Variants in APMAP observed in about 807,000 individuals in gnomAD.
APMAP encodes adipocyte plasma membrane associated protein, also known as adipocyte plasma membrane-associated protein.
APMAP carries 33 observed loss-of-function variants against 43.6 expected under a neutral mutation model. The observed-to-expected ratio is 0.76, with a 90% CI of 0.57 to 1.01. APMAP has a LOEUF of 1.01. Ranked by LOEUF, APMAP falls within the 50% of genes least tolerant of loss-of-function variation. The pLI is 0.00. For synonymous variants in APMAP, 224 were observed against 216.7 expected (o/e 1.03, Z -0.30); for missense variants, 498 against 540.7 (o/e 0.92, Z 0.78).
chr20:24,984,098 G>C (rs1009757124), intron 1 of APMAP, 79 bp from the exon 2 acceptor site: 5 of 1,117,940 alleles, frequency 4.5e-6, no homozygotes, highest in Non-Finnish European at 5.3e-6. Flanking sequence ...AAGCCCTCCC[G>C]GCAGGAGCAG....
chr20:24,988,159 C>T (rs2122531988), intron 1 of APMAP, among the ~76,000 whole-genome samples: 1 of 152,316 alleles, frequency 6.6e-6, no homozygotes, highest in African/African-American at 2.4e-5. Context: ...AGGGAAGGTA[C>T]ATTGTGTTTT....
At chr20:24,985,892 G>A (rs2088142973) in intron 1 of APMAP, among the ~76,000 whole-genome samples, 1 of 152,212 alleles carries the variant, frequency 6.6e-6, no homozygotes, top group Non-Finnish European at 1.5e-5. Context: ...GGCACTGCTG[G>A]GGAGGGTGCA....
intron 3 of APMAP, among the ~76,000 whole-genome samples, chr20:24,974,475 G>A (rs367951915): frequency 7.2e-5 from 11 of 152,042 alleles, no homozygotes; most frequent in African/African-American, 2.4e-4. Flanking sequence ...TAACAAATAC[G>A]GTAGATATTA....
chr20:24,992,597 C>G lies in APMAP; in HGVS notation c.92G>C (p.Gly31Ala), dbSNP rs963214605. The change falls in exon 1 of 9, where the codon GGC (glycine) becomes GCC (alanine). Residue 31 changes from glycine to alanine, a missense_variant. Transcript: ENST00000217456. ...DDGQAPEAKDGSSFSGRVFRV... is the reference protein window; with the variant it reads ...DDGQAPEAKDASSFSGRVFRV... ...CCAGTCTGGGAGTCCGCCCTACCTG[C>G]CGTCCTTAGCCTCCGGGGCCTGGCC... 2.3e-5 allele frequency: 35 copies of G among 1,549,124 alleles called. 1 individual carries two copies. The East Asian group carries it at 3.2e-4, about 14-fold the overall frequency.
chr20:24,975,373 T>C (rs1375654194), intron 3 of APMAP, among the ~76,000 whole-genome samples: 2 of 152,212 alleles, frequency 1.3e-5, no homozygotes, highest in African/African-American at 4.8e-5. Flanking sequence ...CCTTCCTTTA[T>C]ACTAACAATG....
In APMAP at chr20:24,963,789, G is replaced by A. The variant is rs975669909; in HGVS notation, c.*24C>T. ...GAGTGTGAAGACTCCTGGCCTGCGTGGCAGGGGCAGCTATCTGGGAGGGCT... is the reference window on the plus strand; with the variant it reads ...GAGTGTGAAGACTCCTGGCCTGCGTAGCAGGGGCAGCTATCTGGGAGGGCT... On this transcript the variant is annotated 3_prime_UTR_variant, in exon 9 of 9. Transcript: ENST00000217456. 6.2e-7 allele frequency: 1 copy of A among 1,610,320 alleles called. No individual in the cohort carries two copies. The highest frequency in any genetic ancestry group is 8.5e-7 in the Non-Finnish European group (1 of 1,176,836).
rs1048742750 is a variant in APMAP at position 24,963,814 on chromosome 20, T to A, written c.1250A>T (p.Ter417LeuextTer42). 1.9e-6 allele frequency: 3 copies of A among 1,613,984 alleles called. No individual in the cohort carries two copies. Among genetic ancestry groups the A allele is most frequent in the Non-Finnish European group, 2.5e-6 (3 of 1,179,928 alleles). The change falls in exon 9 of 9, where the codon TAG (stop) becomes TTG (leucine). Residue 417 changes from the stop codon to leucine, a stop_lost. Coordinates refer to ENST00000217456, the MANE Select transcript of APMAP (RefSeq NM_020531.3). ...GGCAGGGGCAGCTATCTGGGAGGGC[T>A]AAACAGCCTGGAGGCTGAGTCTGCA... ...FLCRLSLQAV* is the reference protein window; with the variant it reads ...FLCRLSLQAVL
intron 2 of APMAP, among the ~76,000 whole-genome samples, chr20:24,979,776 C>T (rs1213111952): frequency 2.0e-5 from 3 of 152,130 alleles, no homozygotes; most frequent in East Asian, 3.9e-4. Context: ...CTCTGAGCAC[C>T]GCAACCTGGC....
rs114502153 is a variant in APMAP at position 24,991,880 on chromosome 20, G to A, written c.95+714C>T. 1.3e-3 allele frequency among the ~76,000 whole-genome samples: 195 copies of A among 152,328 alleles called. 1 individual carries two copies. The highest frequency in any genetic ancestry group is 4.5e-3 in the African/African-American group (186 of 41,574). On this transcript the variant is annotated intron_variant, in intron 1 of 8. Coordinates refer to ENST00000217456, the MANE Select transcript of APMAP (RefSeq NM_020531.3). Reference sequence around the variant, plus strand: ...CATTCTTATATTCTGAAAGATGGGAGAGGAGGCAAAGGGCAAAACCTGATA... The same window carrying A: ...CATTCTTATATTCTGAAAGATGGGAAAGGAGGCAAAGGGCAAAACCTGATA...
chr20:24,972,568 A>G (rs2088014613), intron 4 of APMAP, among the ~76,000 whole-genome samples: 1 of 137,670 alleles, frequency 7.3e-6, no homozygotes. Context: ...TCCTCACTGA[A>G]GGTGCTCACT....
At chr20:24,989,969 TTAATG>T (rs2088178331) in intron 1 of APMAP, among the ~76,000 whole-genome samples, 1 of 152,342 alleles carries the variant, frequency 6.6e-6, no homozygotes, top group Non-Finnish European at 1.5e-5. Flanking sequence ...TATACAGAAT[TTAATG>T]TATTGAAACA....
intron 1 of APMAP, among the ~76,000 whole-genome samples, chr20:24,985,783 TA>T (rs140786136): frequency 6.6e-6 from 1 of 152,054 alleles, no homozygotes; most frequent in African/African-American, 2.4e-5. Flanking sequence ...CTACGGATGT[TA>T]AAAGACTCTA....
chr20:24,982,073 A>G (rs1453557434), intron 2 of APMAP, among the ~76,000 whole-genome samples: 2 of 152,182 alleles, frequency 1.3e-5, no homozygotes, highest in Admixed American at 6.5e-5. Flanking sequence ...TGCCAAAAGC[A>G]GAGCCCAGGA....
intron 7 of APMAP, 115 bp downstream of exon 7, chr20:24,969,411 T>C (rs1416204332): frequency 4.9e-6 from 7 of 1,432,120 alleles, no homozygotes; most frequent in African/African-American, 1.4e-5. Context: ...TAACATGCCA[T>C]GCAGAAGGTG....
chr20:24,967,704 C>G (rs1393126889), intron 8 of APMAP, among the ~76,000 whole-genome samples: 1 of 152,342 alleles, frequency 6.6e-6, no homozygotes, highest in African/African-American at 2.4e-5. Context: ...ACTTTACAGA[C>G]AGAGCACCTG....
chr20:24,969,711 C>A, intron 6 of APMAP, 51 bp from the exon 7 acceptor site: 2 of 1,573,162 alleles, frequency 1.3e-6, no homozygotes, highest in Non-Finnish European at 1.7e-6. Context: ...CTGGCTCCCA[C>A]TCTGGGCCTT....
intron 8 of APMAP, among the ~76,000 whole-genome samples, chr20:24,965,982 C>T (rs1007120800): frequency 1.3e-5 from 2 of 152,122 alleles, no homozygotes; most frequent in Admixed American, 6.5e-5. Flanking sequence ...GATGTCTACG[C>T]GTGCAGGTAT....
chr20:24,978,747 C>CCG lies in APMAP; in HGVS notation c.328+19_328+20insCG, dbSNP rs759578181. ...ACAGACAGCCTGGAAGGCTCCCCCC[C>CCG]CACCCAAGCTTAGACTTACCCCCAA... On this transcript the variant is annotated intron_variant, in intron 3 of 8. Coordinates refer to ENST00000217456, the MANE Select transcript of APMAP (RefSeq NM_020531.3). 1.4e-5 allele frequency: 18 copies of CCG among 1,312,630 alleles called. No homozygotes were observed. The highest frequency in any genetic ancestry group is 4.6e-5 in the African/African-American group (3 of 65,736). 81.3% of individuals were successfully genotyped at this position (1,312,630 alleles called of 1,614,324 possible).
At chr20:24,973,151 CTA>C (rs2088019999) in intron 4 of APMAP, among the ~76,000 whole-genome samples, 1 of 152,150 alleles carries the variant, frequency 6.6e-6, no homozygotes, top group African/African-American at 2.4e-5. Context: ...ACTATTAAGT[CTA>C]TAGACTATCA....
Sources: allele counts gnomAD v4.1 joint callset (sites outside exome capture counted in the v4.1 genomes callset), GRCh38; gene constraint gnomAD v4.1.1; transcripts MANE v1.5; gene names NCBI Gene and HGNC (gene_info 2026-07-23, HGNC 2026-07-21).